IKZF4: variants seen among roughly 807,000 people sequenced by gnomAD.
The protein encoded by IKZF4 is zinc finger protein Eos.
Under a neutral mutation model 47.7 loss-of-function variants are expected in IKZF4, and 11 were observed. That is an observed-to-expected ratio of 0.23 (90% CI 0.15 to 0.38). IKZF4 has a LOEUF of 0.38. Ranked by LOEUF, IKZF4 falls within the 10% of genes least tolerant of loss-of-function variation. IKZF4 has a pLI of 1.00. For synonymous variants in IKZF4, 298 were observed against 299.4 expected (o/e 1.00, Z 0.05); for missense variants, 557 against 784.9 (o/e 0.71, Z 3.47).
intron 2 of IKZF4, among the ~76,000 whole-genome samples, chr12:56,013,916 C>T (rs1051290950): frequency 5.9e-5 from 9 of 152,064 alleles, no homozygotes; most frequent in African/African-American, 9.7e-5. Flanking sequence ...TTTGGGAGGC[C>T]GAGGCGGGCA....
At chr12:56,030,255 C>CAAAAAA (rs780575947) in intron 5 of IKZF4, among the ~76,000 whole-genome samples, 2 of 138,722 alleles carry the variant, frequency 1.4e-5, no homozygotes, top group Non-Finnish European at 3.1e-5. Flanking sequence ...GTCTCTACTA[C>CAAAAAA]AAAAACAAAA....
intron 3 of IKZF4, 30 bp downstream of exon 3, chr12:56,025,188 A>G: frequency 6.6e-7 from 1 of 1,512,054 alleles, no homozygotes; most frequent in Non-Finnish European, 8.8e-7. Flanking sequence ...ACCTCCTGGC[A>G]GTAGGCACCC....
At chr12:56,022,396 A>G (rs1247469803) in intron 1 of IKZF4, among the ~76,000 whole-genome samples, 1 of 152,170 alleles carries the variant, frequency 6.6e-6, no homozygotes, top group African/African-American at 2.4e-5. Flanking sequence ...GACTTTGAGC[A>G]AGAAAATTTC....
intron 1 of IKZF4, 34 bp downstream of exon 1, chr12:56,021,614 G>C (rs766353773): frequency 1.5e-5 from 23 of 1,573,594 alleles, no homozygotes; most frequent in Non-Finnish European, 1.8e-5. Context: ...AGTGGAGGGA[G>C]GAAGGGGGGT....
intron 5 of IKZF4, among the ~76,000 whole-genome samples, chr12:56,031,616 G>A (rs551729657): frequency 1.3e-5 from 2 of 152,312 alleles, no homozygotes; most frequent in East Asian, 3.9e-4. Flanking sequence ...GCTTCCTAGA[G>A]ATACCTTCTC....
chr12:56,030,769 A>G (rs1428271155), intron 5 of IKZF4, among the ~76,000 whole-genome samples: 1 of 151,744 alleles, frequency 6.6e-6, no homozygotes, highest in East Asian at 1.9e-4. Context: ...AGTGGTTACC[A>G]GAGGCTGACT....
At chr12:56,013,556 T>G (rs1167841095) in intron 2 of IKZF4, among the ~76,000 whole-genome samples, 1 of 152,148 alleles carries the variant, frequency 6.6e-6, no homozygotes, top group Non-Finnish European at 1.5e-5. Flanking sequence ...AACTGTCTCA[T>G]GTAACTAACT....
intron 5 of IKZF4, among the ~76,000 whole-genome samples, chr12:56,031,199 C>T (rs1336368590): frequency 1.3e-5 from 2 of 151,848 alleles, no homozygotes; most frequent in Admixed American, 6.6e-5. Context: ...TGCAGTGAGC[C>T]GAGATCGTGC....
rs1369965738 is a variant in IKZF4, at chr12:56,035,295, T to C, written c.1722T>C (p.Ser574=). ...ACAGCCAGGACCGGTACGAATTCTCTTCCCACATTGTCCGGGGGGAGCATA... is the reference window on the plus strand; with the variant it reads ...ACAGCCAGGACCGGTACGAATTCTCCTCCCACATTGTCCGGGGGGAGCATA... ...GYHSQDRYEF[S]SHIVRGEHKV... is the part of the protein sequence containing the mutation. Residue 574 remains serine (S), a synonymous_variant, in exon 8 of 8, where the codon TCT becomes TCC. Coordinates refer to ENST00000547167, the MANE Select transcript of IKZF4 (RefSeq NM_022465.4). The surrounding 1 kb of genome is among the most constrained non-coding windows in gnomAD (Gnocchi z 6.1). 1 of 1,612,992 alleles carries C rather than the reference T, an allele frequency of 6.2e-7. No individual in the cohort carries two copies. The highest frequency in any genetic ancestry group is 8.5e-7 in the Non-Finnish European group (1 of 1,179,180).
chr12:56,017,944 C>G (rs948735244), upstream of IKZF4, among the ~76,000 whole-genome samples: 2 of 152,154 alleles, frequency 1.3e-5, no homozygotes, highest in African/African-American at 4.8e-5. Flanking sequence ...CACCTTCTTT[C>G]CAAAGCACTA....
chr12:56,035,542 T>C lies in IKZF4; in HGVS notation c.*211T>C. 1 of 480,776 alleles carries C rather than the reference T, an allele frequency of 2.1e-6. No individual in the cohort carries two copies. The highest frequency in any genetic ancestry group is 3.2e-5 in the East Asian group (1 of 31,302). The allele number at this position is 480,776 out of a possible 1,614,324, so 29.8% of individuals were successfully genotyped here. On this transcript the variant is annotated 3_prime_UTR_variant, in exon 8 of 8. Coordinates refer to ENST00000547167, the MANE Select transcript of IKZF4 (RefSeq NM_022465.4). This position sits in a 1 kb window ranked among gnomAD's most constrained non-coding sequence, Gnocchi z 6.1. ...ATGAAACAGATCTTTTGCTTATGTT[T>C]TTCCTTTTTATCTTCTCTCATCCCA...
chr12:56,035,319 T>A lies in IKZF4; in HGVS notation c.1746T>A (p.His582Gln), dbSNP rs1224463871. 2.5e-6 allele frequency: 4 copies of A among 1,609,372 alleles called. No individual in the cohort carries two copies. The highest frequency in any genetic ancestry group is 1.3e-5 in the African/African-American group (1 of 74,952). Residue 582 changes from histidine to glutamine, a missense_variant, in exon 8 of 8, where the codon CAT (histidine) becomes CAA (glutamine). Transcript: ENST00000547167. The surrounding 1 kb of genome is among the most constrained non-coding windows in gnomAD (Gnocchi z 6.1). ...CTTCCCACATTGTCCGGGGGGAGCATAAGGTGGGCTAGCAACCTCTCCCTC... is the reference window on the plus strand; with the variant it reads ...CTTCCCACATTGTCCGGGGGGAGCAAAAGGTGGGCTAGCAACCTCTCCCTC... Reference protein sequence around the residue: ...EFSSHIVRGEHKVG With the variant: ...EFSSHIVRGEQKVG
At chr12:56,026,155 C>T (rs1374600249) in intron 3 of IKZF4, among the ~76,000 whole-genome samples, 1 of 152,002 alleles carries the variant, frequency 6.6e-6, no homozygotes, top group Non-Finnish European at 1.5e-5. Context: ...AGGCTGGTCT[C>T]AAACTCCTGA....
chr12:56,035,468 C>G lies in IKZF4; in HGVS notation c.*137C>G. On this transcript the variant is annotated 3_prime_UTR_variant, in exon 8 of 8. Coordinates refer to ENST00000547167, the MANE Select transcript of IKZF4 (RefSeq NM_022465.4). The surrounding 1 kb of genome is among the most constrained non-coding windows in gnomAD (Gnocchi z 6.1). ...ACCTGACCTCACACCTGACCCTGAC[C>G]CCTCCTCACCTATTCTCTTCCTCTA... 1 of 763,542 alleles carries G rather than the reference C, an allele frequency of 1.3e-6. No individual in the cohort carries two copies. The highest frequency in any genetic ancestry group is 2.2e-6 in the Non-Finnish European group (1 of 464,476). 47.3% of individuals were successfully genotyped at this position (763,542 alleles called of 1,614,324 possible).
chr12:56,019,077 G>C (rs535822504), upstream of IKZF4, among the ~76,000 whole-genome samples: 5 of 151,246 alleles, frequency 3.3e-5, no homozygotes, highest in African/African-American at 1.2e-4. Context: ...TTATCTGGGC[G>C]TGGTGGCTCA....
intron 1 of IKZF4, among the ~76,000 whole-genome samples, chr12:56,022,800 T>C (rs955516903): frequency 2.7e-5 from 4 of 146,300 alleles, no homozygotes; most frequent in Non-Finnish European, 6.0e-5. Flanking sequence ...AGTGTTTCTT[T>C]TTTTTTTTTT....
intron 2 of IKZF4, chr12:56,024,841 G>C: frequency 7.0e-7 from 1 of 1,432,586 alleles, no homozygotes; most frequent in Non-Finnish European, 9.2e-7. Context: ...AGGTAGGGTA[G>C]GCAAGGCCCA....
At chr12:56,025,024 T>G (rs373559378) in intron 2 of IKZF4, 30 bp from the exon 3 acceptor site, 816 of 1,559,622 alleles carry the variant, frequency 5.2e-4, no homozygotes, top group Non-Finnish European at 6.8e-4. Context: ...CAGCTCCAGC[T>G]TTACCTGCCC....
chr12:56,023,681 A>C lies in IKZF4; in HGVS notation c.98A>C (p.Asp33Ala), dbSNP rs1408584467. 6.2e-7 allele frequency: 1 copy of C among 1,613,844 alleles called. No homozygotes were observed. The highest frequency in any genetic ancestry group is 1.3e-5 in the African/African-American group (1 of 74,950). ...HRQGKDNLER[D>A]PSGGCVPDFL... ...TCCCACTGACCAAAGCTGGAGAGGG[A>C]TCCCTCAGGAGGGTGTGTTCCGGAT... Residue 33 changes from aspartate to alanine, a missense_variant, in exon 2 of 8, where the codon GAT becomes GCT. Coordinates refer to ENST00000547167, the MANE Select transcript of IKZF4 (RefSeq NM_022465.4).
Sources: gnomAD v4.1 joint callset for allele counts (sites outside exome capture counted in the v4.1 genomes callset) on GRCh38, gnomAD v4.1.1 for gene constraint, Gnocchi (gnomAD v3.1) non-coding constraint, MANE v1.5 for transcripts, NCBI Gene and HGNC (gene_info 2026-07-23, HGNC 2026-07-21) for gene names.